Variants in ERC2 observed in about 807,000 individuals in gnomAD.
ERC2 encodes ELKS/RAB6-interacting/CAST family member 2.
ERC2 carries 42 observed loss-of-function variants against 114.8 expected under a neutral mutation model. The ratio of observed to expected loss-of-function variants is 0.37; its 90% confidence interval spans 0.29 to 0.47. The LOEUF (loss-of-function observed/expected upper bound fraction) is 0.47, where lower values mean the gene tolerates loss of function less well. Ranked by LOEUF, ERC2 falls within the 20% of genes least tolerant of loss-of-function variation. The pLI is 0.99. For missense variants in ERC2, 939 were observed against 1,150.7 expected, an observed-to-expected ratio of 0.82 and a Z score of 2.66; for synonymous variants, 454 against 425.5, an observed-to-expected ratio of 1.07 and a Z score of -0.82.
chr3:56,069,741 C>A (rs1453991010), intron 7 of ERC2, among the ~76,000 whole-genome samples: 1 of 152,148 alleles, frequency 6.6e-6, no homozygotes, highest in Non-Finnish European at 1.5e-5. Context: ...TATGTGGGTG[C>A]TACTGCTGGT....
chr3:55,929,378 T>G (rs1335176181), intron 13 of ERC2, among the ~76,000 whole-genome samples: 1 of 152,176 alleles, frequency 6.6e-6, no homozygotes, highest in African/African-American at 2.4e-5. Flanking sequence ...TGCCCTGCCC[T>G]TCTCAATTTC....
chr3:56,389,143 T>C (rs533544423), intron 2 of ERC2, among the ~76,000 whole-genome samples: 7 of 152,116 alleles, frequency 4.6e-5, no homozygotes, highest in Non-Finnish European at 8.8e-5. Flanking sequence ...GCAAAAAATA[T>C]AAGCCAGTTA....
intron 13 of ERC2, among the ~76,000 whole-genome samples, chr3:55,938,172 G>T (rs1266889883): frequency 6.7e-6 from 1 of 150,086 alleles, no homozygotes; most frequent in Non-Finnish European, 1.5e-5. Context: ...TTCTTTCAGA[G>T]CCCAACATGA....
chr3:56,122,859 C>T (rs2079656623), intron 6 of ERC2, among the ~76,000 whole-genome samples: 1 of 152,148 alleles, frequency 6.6e-6, no homozygotes, highest in Non-Finnish European at 1.5e-5. Context: ...CTGTTGCTTG[C>T]TCCTGGATTC....
intron 14 of ERC2, among the ~76,000 whole-genome samples, chr3:55,826,594 AT>A (rs2060334782): frequency 6.6e-6 from 1 of 152,232 alleles, no homozygotes; most frequent in Non-Finnish European, 1.5e-5. Context: ...AACAATTTCC[AT>A]TCATTGTTTA....
chr3:55,808,699 TTTTATA>T (rs1227716669), intron 14 of ERC2, among the ~76,000 whole-genome samples: 6 of 60,912 alleles, frequency 9.9e-5, no homozygotes, highest in Admixed American at 6.1e-4. Context: ...TATACCATAA[TTTTATA>T]TATATATATA....
chr3:55,563,328 C>CT (rs57775830), intron 17 of ERC2, among the ~76,000 whole-genome samples: 2,518 of 138,896 alleles, frequency 0.018, 31 homozygotes, highest in African/African-American at 0.025. Flanking sequence ...AGTGTCTTTC[C>CT]TTTTTTTTTT....
At chr3:55,898,840 T>C (rs1327340108) in intron 13 of ERC2, among the ~76,000 whole-genome samples, 1 of 152,182 alleles carries the variant, frequency 6.6e-6, no homozygotes, top group Non-Finnish European at 1.5e-5. Context: ...AAATATGCAT[T>C]GTTCATATTT....
At chr3:55,886,453 A>G (rs2063350462) in intron 14 of ERC2, among the ~76,000 whole-genome samples, 2 of 152,174 alleles carry the variant, frequency 1.3e-5, no homozygotes, top group African/African-American at 4.8e-5. Context: ...TAGGAAATGA[A>G]TTTTATTGGT....
At chr3:55,636,813 C>T (rs1342326998) in intron 17 of ERC2, among the ~76,000 whole-genome samples, 4 of 152,228 alleles carry the variant, frequency 2.6e-5, no homozygotes, top group Admixed American at 6.5e-5. Flanking sequence ...TTGCAGACCT[C>T]TGTTCTAAAG....
chr3:55,758,696 T>C (rs970874509), intron 14 of ERC2, among the ~76,000 whole-genome samples: 10 of 152,314 alleles, frequency 6.6e-5, no homozygotes, highest in Admixed American at 5.2e-4. Flanking sequence ...CCATTTAATA[T>C]AAGGAAGTGT....
chr3:55,648,121 C>T (rs1427456869), intron 17 of ERC2, among the ~76,000 whole-genome samples: 1 of 152,226 alleles, frequency 6.6e-6, no homozygotes, highest in East Asian at 1.9e-4. Flanking sequence ...TCTTCCCTTT[C>T]GTTCATTCCC....
chr3:55,549,766 A>C (rs2055020912), intron 17 of ERC2, among the ~76,000 whole-genome samples: 1 of 151,920 alleles, frequency 6.6e-6, no homozygotes, highest in Admixed American at 6.6e-5. Context: ...ATATAGGCTT[A>C]ATGCACAGGG....
intron 17 of ERC2, among the ~76,000 whole-genome samples, chr3:55,573,236 T>C (rs2056813090): frequency 6.6e-6 from 1 of 152,196 alleles, no homozygotes; most frequent in African/African-American, 2.4e-5. Flanking sequence ...TAGCAAAGTA[T>C]TTAGTTTTCT....
intron 1 of ERC2, among the ~76,000 whole-genome samples, chr3:56,439,347 G>T (rs2062180145): frequency 1.3e-5 from 2 of 152,184 alleles, no homozygotes; most frequent in African/African-American, 2.4e-5. Context: ...TGGGGAGAGT[G>T]AAGCAGGAGG....
chr3:55,881,803 A>G (rs1455667737), intron 14 of ERC2, among the ~76,000 whole-genome samples: 1 of 152,222 alleles, frequency 6.6e-6, no homozygotes, highest in Non-Finnish European at 1.5e-5. Context: ...ATAGGAGTAA[A>G]TGTAACAAAA....
At chr3:56,057,558 CA>C (rs553470319) in intron 7 of ERC2, among the ~76,000 whole-genome samples, 203 of 152,290 alleles carry the variant, frequency 1.3e-3, no homozygotes, top group African/African-American at 4.2e-3. Context: ...ACCTAAAATG[CA>C]GTACCAAAGC....
chr3:55,990,727 T>A (rs550281465), intron 11 of ERC2, among the ~76,000 whole-genome samples: 1 of 152,320 alleles, frequency 6.6e-6, no homozygotes, highest in African/African-American at 2.4e-5. Context: ...TGATAATTTA[T>A]TTGTTTTAGC....
At chr3:55,517,112 T>C (rs1385670320) in intron 17 of ERC2, among the ~76,000 whole-genome samples, 2 of 152,198 alleles carry the variant, frequency 1.3e-5, no homozygotes, top group African/African-American at 4.8e-5. Flanking sequence ...CTCTCCACAA[T>C]ACCTGTGATA....
Sources: allele counts gnomAD v4.1 joint callset (sites outside exome capture counted in the v4.1 genomes callset), GRCh38; gene constraint gnomAD v4.1.1; transcripts MANE v1.5; gene names NCBI Gene and HGNC (gene_info 2026-07-23, HGNC 2026-07-21).